Variants in LRGUK observed in about 807,000 individuals in gnomAD.
The protein encoded by LRGUK is leucine-rich repeat and guanylate kinase domain-containing protein.
Under a neutral mutation model 76.0 loss-of-function variants are expected in LRGUK, and 65 were observed. The observed-to-expected ratio is 0.85, with a 90% confidence interval of 0.70 to 1.05. The LOEUF (loss-of-function observed/expected upper bound fraction) is 1.05, where lower values mean the gene tolerates loss of function less well. LRGUK is among the 50% of genes least tolerant of loss of function. The probability of loss-of-function intolerance (pLI) is 0.00; values close to 1 mark genes in which losing one functional copy is unlikely to be tolerated. For missense variants in LRGUK, 758 were observed against 732.8 expected (o/e 1.03, Z -0.40); for synonymous variants, 268 against 265.6 (o/e 1.01, Z -0.09).
At chr7:134,199,464 T>A (rs1800659210) in intron 14 of LRGUK, 43 bp downstream of exon 14, 1 of 1,530,046 alleles carries the variant, frequency 6.5e-7, no homozygotes, top group African/African-American at 1.4e-5. Context: ...AATGTAAGAT[T>A]ACTGAATTAA....
chr7:134,140,637 T>TA (rs1797728517), intron 3 of LRGUK, among the ~76,000 whole-genome samples: 1 of 152,214 alleles, frequency 6.6e-6, no homozygotes, highest in African/African-American at 2.4e-5. Flanking sequence ...CTGCCTTTTT[T>TA]ATGACAAATA....
At chr7:134,131,916 G>C (rs1337633169) in intron 1 of LRGUK, among the ~76,000 whole-genome samples, 1 of 152,118 alleles carries the variant, frequency 6.6e-6, no homozygotes, top group African/African-American at 2.4e-5. Flanking sequence ...AAAAGGCCAC[G>C]AATAGACCCA....
In LRGUK at chr7:134,221,850, C is replaced by T. The variant is rs751048213; in HGVS notation, c.1915C>T (p.Leu639=). Reference sequence around the variant, plus strand: ...TATTTCTTCGAATATGGGTGATTTCCTGCATTCTACAGACAGAAACTACCT... The same window carrying T: ...TATTTCTTCGAATATGGGTGATTTCTTGCATTCTACAGACAGAAACTACCT... The change falls in exon 16 of 20, where the codon CTG becomes TTG. Residue 639 remains leucine, a synonymous_variant. Coordinates refer to the LRGUK transcript ENST00000285928. The T allele has an allele frequency of 3.1e-6, 5 of 1,603,036 alleles. No individual in the cohort carries two copies. In the South Asian group the frequency reaches 3.4e-5, roughly 11 times the overall value.
intron 15 of LRGUK, among the ~76,000 whole-genome samples, chr7:134,206,681 A>G (rs1183611003): frequency 1.3e-5 from 2 of 152,062 alleles, no homozygotes; most frequent in African/African-American, 4.8e-5. Context: ...AAGTAAACAA[A>G]ATAGTTTCTA....
intron 1 of LRGUK, among the ~76,000 whole-genome samples, chr7:134,135,206 G>T (rs1347679258): frequency 6.6e-6 from 1 of 152,196 alleles, no homozygotes; most frequent in African/African-American, 2.4e-5. Context: ...TTAGGGGAAA[G>T]TAAATGCTTT....
chr7:134,138,193 A>C (rs573821835), intron 2 of LRGUK, among the ~76,000 whole-genome samples: 6 of 152,336 alleles, frequency 3.9e-5, no homozygotes, highest in Admixed American at 1.3e-4. Flanking sequence ...AGCCCCTTTC[A>C]ATCAATATTC....
At chr7:134,233,628 A>G (rs1028377779) in intron 16 of LRGUK, among the ~76,000 whole-genome samples, 2 of 152,216 alleles carry the variant, frequency 1.3e-5, no homozygotes, top group African/African-American at 4.8e-5. Flanking sequence ...TTGTCCAAGT[A>G]TCACACAGCT....
chr7:134,161,098 TAC>T (rs1798711529), intron 6 of LRGUK, among the ~76,000 whole-genome samples: 1 of 152,332 alleles, frequency 6.6e-6, no homozygotes, highest in African/African-American at 2.4e-5. Flanking sequence ...TCGGAAGCAT[TAC>T]AGTCTATCTA....
chr7:134,227,694 C>G (rs995524545), intron 16 of LRGUK, among the ~76,000 whole-genome samples: 2 of 152,040 alleles, frequency 1.3e-5, no homozygotes, highest in Non-Finnish European at 2.9e-5. Context: ...ATGTAAATTT[C>G]AGCAAAAGTG....
intron 7 of LRGUK, among the ~76,000 whole-genome samples, chr7:134,169,133 GACACACACACAC>G (rs36204942): frequency 0.011 from 1,454 of 135,536 alleles, 24 homozygotes; most frequent in East Asian, 0.045. Flanking sequence ...AAGGGAAGAA[GACACACACACAC>G]ACACACACAC....
chr7:134,250,467 C>A (rs1585601775), intron 18 of LRGUK, among the ~76,000 whole-genome samples: 1 of 152,094 alleles, frequency 6.6e-6, no homozygotes, highest in East Asian at 1.9e-4. Context: ...CATAACTTTA[C>A]AAAGTTATTT....
At position 134,143,069 on chromosome 7, in the gene LRGUK, TTG is replaced by T. The variant is rs1440993725; in HGVS notation, c.500_501del (p.Val167GlufsTer10). 2 of 1,568,682 alleles carry T rather than the reference TTG, an allele frequency of 1.3e-6. No individual in the cohort carries two copies. Among genetic ancestry groups the T allele is most frequent in the East Asian group, 2.2e-5 (1 of 44,620 alleles). ...ATCTGTTTCCCTCCGTAGATTTATC[TTG>T]TGTGAGTTGTATGCCTTATCTCCTA... On this transcript the variant is annotated frameshift_variant, in exon 4 of 16. Transcript: ENST00000645682. LOFTEE classifies it high-confidence loss of function.
chr7:134,243,345 C>G (rs1351890430), intron 16 of LRGUK, among the ~76,000 whole-genome samples: 1 of 152,178 alleles, frequency 6.6e-6, no homozygotes, highest in East Asian at 1.9e-4. Context: ...TGATGAGCAG[C>G]TTCAGCAAGG....
intron 1 of LRGUK, among the ~76,000 whole-genome samples, chr7:134,128,446 T>C (rs548114034): frequency 1.3e-5 from 2 of 152,378 alleles, no homozygotes; most frequent in African/African-American, 4.8e-5. Context: ...TCTTAGTCCA[T>C]TGTTGTCTTC....
chr7:134,257,037 C>T (rs1376923180), intron 18 of LRGUK, among the ~76,000 whole-genome samples: 1 of 152,076 alleles, frequency 6.6e-6, no homozygotes, highest in East Asian at 1.9e-4. Flanking sequence ...AGGATCGTGT[C>T]CACCTTTCTG....
intron 16 of LRGUK, 81 bp from the exon 17 acceptor site, chr7:134,247,475 C>A: frequency 9.8e-7 from 1 of 1,017,410 alleles, no homozygotes; most frequent in Non-Finnish European, 1.5e-6. Flanking sequence ...ATCTCTAGTA[C>A]CAAAGAGAAT....
At chr7:134,178,533 C>T (rs370812594) in exon 10 of LRGUK, 27 of 1,612,748 alleles carry the variant, frequency 1.7e-5, no homozygotes, top group South Asian at 3.3e-5. Context: ...TGATCCTCCC[C>T]CTGAAGTGGT....
At chr7:134,230,789 A>T (rs1801870957) in intron 16 of LRGUK, among the ~76,000 whole-genome samples, 1 of 152,230 alleles carries the variant, frequency 6.6e-6, no homozygotes, top group Admixed American at 6.5e-5. Context: ...GGCAATATTA[A>T]ACCACAGTAT....
intron 12 of LRGUK, among the ~76,000 whole-genome samples, chr7:134,194,888 A>G (rs1227850766): frequency 6.6e-6 from 1 of 152,216 alleles, no homozygotes; most frequent in South Asian, 2.1e-4. Context: ...TTTCAAGATG[A>G]GAATTGCAAT....
Sources: gnomAD v4.1 joint callset for allele counts (sites outside exome capture counted in the v4.1 genomes callset) on GRCh38, gnomAD v4.1.1 for gene constraint, MANE v1.5 for transcripts, NCBI Gene and HGNC (gene_info 2026-07-23, HGNC 2026-07-21) for gene names.